The following TNIK variants were observed in gnomAD, a reference collection of about 807,000 sequenced individuals.
TNIK encodes TRAF2 and NCK interacting kinase.
In TNIK, 49 loss-of-function variants were observed where a neutral mutation model predicts 191.3. That is an observed-to-expected ratio of 0.26 (90% CI 0.20 to 0.32). TNIK has a LOEUF of 0.32. Among genes scored for constraint, TNIK ranks in the 10% least tolerant of loss-of-function variants. TNIK has a pLI of 1.00. For synonymous variants in TNIK, 594 were observed against 600.9 expected (o/e 0.99, Z 0.17); for missense variants, 1,155 against 1,702.3 (o/e 0.68, Z 5.66).
At chr3:171,455,981 A>G (rs1728754052) in intron 1 of TNIK, among the ~76,000 whole-genome samples, 1 of 152,218 alleles carries the variant, frequency 6.6e-6, no homozygotes, top group Non-Finnish European at 1.5e-5. Flanking sequence ...AGTGTAGCAA[A>G]GGGATGTATG....
chr3:171,381,436 T>TA (rs1442600042), intron 1 of TNIK, among the ~76,000 whole-genome samples: 2 of 152,182 alleles, frequency 1.3e-5, no homozygotes, highest in Admixed American at 1.3e-4. Context: ...GAACACTCCT[T>TA]AAGGAAGCTT....
intron 2 of TNIK, among the ~76,000 whole-genome samples, chr3:171,232,223 G>A (rs149517078): frequency 1.5e-4 from 23 of 151,930 alleles, no homozygotes; most frequent in African/African-American, 5.3e-4. Flanking sequence ...AGTGTTGCAC[G>A]TCTGTACACC....
intron 1 of TNIK, among the ~76,000 whole-genome samples, chr3:171,386,523 C>A (rs1718758804): frequency 6.6e-6 from 1 of 152,158 alleles, no homozygotes; most frequent in Non-Finnish European, 1.5e-5. Flanking sequence ...CTCTTCTTTA[C>A]CCACAGGGAT....
chr3:171,196,279 A>T (rs1738658074), intron 4 of TNIK, among the ~76,000 whole-genome samples: 1 of 152,230 alleles, frequency 6.6e-6, no homozygotes, highest in African/African-American at 2.4e-5. Flanking sequence ...GCCTCCTAAT[A>T]AGCTAGCAGA....
At chr3:171,232,708 C>T (rs1743805337) in intron 2 of TNIK, among the ~76,000 whole-genome samples, 1 of 152,064 alleles carries the variant, frequency 6.6e-6, no homozygotes, top group Non-Finnish European at 1.5e-5. Context: ...ACGGCTCAGC[C>T]TGGTCCTCAG....
chr3:171,093,505 C>T (rs1428271202), intron 23 of TNIK, among the ~76,000 whole-genome samples: 1 of 152,182 alleles, frequency 6.6e-6, no homozygotes, highest in Non-Finnish European at 1.5e-5. Context: ...TGATGCTATT[C>T]AGAGAGACCA....
intron 22 of TNIK, among the ~76,000 whole-genome samples, chr3:171,097,387 C>T (rs1175772138): frequency 6.6e-6 from 1 of 152,158 alleles, no homozygotes; most frequent in African/African-American, 2.4e-5. Flanking sequence ...TACTACTATA[C>T]AAAAATACTG....
chr3:171,235,388 T>G lies in TNIK; in HGVS notation c.124-7167A>C, dbSNP rs1301104723. 5.9e-5 allele frequency among the ~76,000 whole-genome samples: 9 copies of G among 152,282 alleles called. No individual in the cohort carries two copies. The South Asian group carries it at 1.9e-3, about 32-fold the overall frequency. ...TCATTTCTGGGAGGACTAACCCCCC[T>G]AGGTGTGGGGGCTCAAAAGATGGCG... is the stretch of plus-strand genomic sequence containing the variant. On this transcript the variant is annotated intron_variant, in intron 2 of 32. Transcript: ENST00000436636.
At position 171,159,603 on chromosome 3, in the gene TNIK, G is replaced by T. The variant is rs187647048; in HGVS notation, c.1016+1667C>A. Among the ~76,000 whole-genome samples, 18 of 152,242 alleles carry T rather than the reference G, an allele frequency of 1.2e-4. No individual in the cohort carries two copies. Among genetic ancestry groups the T allele is most frequent in the Admixed American group, 8.5e-4 (13 of 15,300 alleles). On this transcript the variant is annotated intron_variant, in intron 11 of 32. Coordinates refer to ENST00000436636, the MANE Select transcript of TNIK (RefSeq NM_015028.4). The surrounding 1 kb of genome is among the most constrained non-coding windows in gnomAD (Gnocchi z 4.1). ...CAGAGGGGAGGGACTTGGGAACCCAGCCTCCCATGCACACGAGGATGCTCC... is the reference window on the plus strand; with the variant it reads ...CAGAGGGGAGGGACTTGGGAACCCATCCTCCCATGCACACGAGGATGCTCC...
chr3:171,311,234 C>G (rs1394589324), intron 2 of TNIK, among the ~76,000 whole-genome samples: 2 of 152,042 alleles, frequency 1.3e-5, no homozygotes, highest in Non-Finnish European at 2.9e-5. Flanking sequence ...TGATGAGAAC[C>G]TTTTTCACTG....
At chr3:171,361,088 A>C (rs1714903316) in intron 2 of TNIK, among the ~76,000 whole-genome samples, 1 of 152,198 alleles carries the variant, frequency 6.6e-6, no homozygotes, top group Non-Finnish European at 1.5e-5. Context: ...AAAGACAAAG[A>C]TACCCAAAAG....
At chr3:171,318,902 T>C (rs980866490) in intron 2 of TNIK, among the ~76,000 whole-genome samples, 3 of 152,138 alleles carry the variant, frequency 2.0e-5, no homozygotes, top group Non-Finnish European at 4.4e-5. Context: ...TGGTGGCTCA[T>C]ACCTGTAATC....
intron 2 of TNIK, among the ~76,000 whole-genome samples, chr3:171,230,503 A>G (rs1743486929): frequency 6.6e-6 from 1 of 152,050 alleles, no homozygotes; most frequent in South Asian, 2.1e-4. Flanking sequence ...GCCCTCCAAG[A>G]GCTGACCCCC....
At chr3:171,207,223 T>G (rs1021377400) in intron 4 of TNIK, among the ~76,000 whole-genome samples, 1 of 152,142 alleles carries the variant, frequency 6.6e-6, no homozygotes, top group Non-Finnish European at 1.5e-5. Flanking sequence ...CATAAGGTAG[T>G]TCTATTTCCA....
Position 171,157,491 on chromosome 3 carries a change from T to A in TNIK, c.1190A>T (p.Glu397Val). Residue 397 changes from glutamate to valine, a missense_variant, in exon 12 of 33, where the codon GAG (glutamate) becomes GTG (valine). Physicochemically the swap from Glu to Val is moderately radical, Grantham distance 121 (BLOSUM62 -2). Transcript: ENST00000436636. ...LLAERQKRIE[E>V]QKEQRRRLEE... ...CAGCCGCCGCCTCTGCTCTTTCTGC[T>A]CCTCGATGCGCTTCTGACGCTCGGC... The A allele has an allele frequency of 6.4e-7, 1 of 1,573,844 alleles. No homozygotes were observed. Among genetic ancestry groups the A allele is most frequent in the Non-Finnish European group, 8.6e-7 (1 of 1,160,184 alleles).
chr3:171,078,498 C>A (rs1269903276), intron 28 of TNIK, among the ~76,000 whole-genome samples: 3 of 151,586 alleles, frequency 2.0e-5, no homozygotes, highest in African/African-American at 7.3e-5. Context: ...TTTTTAACAG[C>A]CCTTTTCTTG....
At chr3:171,237,958 C>T (rs1242228523) in intron 2 of TNIK, among the ~76,000 whole-genome samples, 1 of 152,150 alleles carries the variant, frequency 6.6e-6, no homozygotes, top group Non-Finnish European at 1.5e-5. Flanking sequence ...CTGGAGACAG[C>T]AACATTCTTT....
chr3:171,313,097 G>A (rs1329680324), intron 2 of TNIK, among the ~76,000 whole-genome samples: 1 of 152,078 alleles, frequency 6.6e-6, no homozygotes, highest in African/African-American at 2.4e-5. Flanking sequence ...GAATGCAAAT[G>A]TGTAGAAACT....
At chr3:171,287,170 A>G (rs1370936328) in intron 2 of TNIK, among the ~76,000 whole-genome samples, 3 of 152,222 alleles carry the variant, frequency 2.0e-5, no homozygotes, top group Admixed American at 1.3e-4. Context: ...ATTTCTTCCC[A>G]TAGGCCAACT....
Sources: allele counts gnomAD v4.1 joint callset (sites outside exome capture counted in the v4.1 genomes callset), GRCh38; gene constraint gnomAD v4.1.1; non-coding constraint Gnocchi (gnomAD v3.1); transcripts MANE v1.5; gene names NCBI Gene and HGNC (gene_info 2026-07-23, HGNC 2026-07-21).